Variants in EYA2 observed in about 807,000 individuals in gnomAD.
The protein encoded by EYA2 is protein phosphatase EYA2.
A neutral mutation model predicts 69.2 loss-of-function variants in EYA2; 31 were observed. The ratio of observed to expected loss-of-function variants is 0.45; its 90% confidence interval spans 0.34 to 0.60. The LOEUF (loss-of-function observed/expected upper bound fraction) is 0.60, where lower values mean the gene tolerates loss of function less well. Ranked by LOEUF, EYA2 falls within the 20% of genes least tolerant of loss-of-function variation. The pLI is 0.02. For missense variants in EYA2, 622 were observed against 701.2 expected (o/e 0.89, Z 1.28); for synonymous variants, 257 against 279.4 (o/e 0.92, Z 0.80).
At chr20:47,187,097 A>C (rs1600784626) in intron 15 of EYA2, among the ~76,000 whole-genome samples, 1 of 152,032 alleles carries the variant, frequency 6.6e-6, no homozygotes, top group East Asian at 1.9e-4. Flanking sequence ...AGCTGGGCAC[A>C]ATGGCTCATG....
At chr20:47,057,520 C>T (rs1033900966) in intron 5 of EYA2, among the ~76,000 whole-genome samples, 1 of 151,082 alleles carries the variant, frequency 6.6e-6, no homozygotes, top group Non-Finnish European at 1.5e-5. Flanking sequence ...ACCCCCCCCC[C>T]CCATCTCATA....
At chr20:47,174,958 C>G (rs1211916947) in intron 12 of EYA2, among the ~76,000 whole-genome samples, 42 of 152,216 alleles carry the variant, frequency 2.8e-4, no homozygotes, top group Admixed American at 2.7e-3. Context: ...GTACCCAGCC[C>G]TGCACGGAGG....
At chr20:47,124,875 T>TAAA (rs11426514) in intron 9 of EYA2, among the ~76,000 whole-genome samples, 14 of 147,546 alleles carry the variant, frequency 9.5e-5, no homozygotes, top group African/African-American at 3.2e-4. Flanking sequence ...CTTCAAAGAT[T>TAAA]AAAAAAAAAA....
At chr20:47,067,229 C>T (rs775301877) in intron 5 of EYA2, among the ~76,000 whole-genome samples, 3 of 152,128 alleles carry the variant, frequency 2.0e-5, no homozygotes, top group Admixed American at 6.5e-5. Context: ...GAAGAGAAAA[C>T]ACTGCAGTCA....
chr20:46,936,840 G>A (rs1018033514), intron 1 of EYA2, among the ~76,000 whole-genome samples: 8 of 152,054 alleles, frequency 5.3e-5, no homozygotes, highest in Admixed American at 2.6e-4. Flanking sequence ...TTTGCGATTC[G>A]GGGATTTCTT....
At chr20:47,153,015 C>T (rs981270255) in intron 10 of EYA2, among the ~76,000 whole-genome samples, 17 of 151,550 alleles carry the variant, frequency 1.1e-4, no homozygotes, top group Non-Finnish European at 2.2e-4. Flanking sequence ...TTTTAGAGGC[C>T]GGGCCAGCAA....
chr20:47,178,849 T>C (rs1193631895), intron 12 of EYA2, among the ~76,000 whole-genome samples: 1 of 150,200 alleles, frequency 6.7e-6, no homozygotes, highest in East Asian at 2.0e-4. Context: ...ATTGGGTGGA[T>C]GGATGGGTAG....
At chr20:46,904,526 T>C (rs1256423914) in intron 1 of EYA2, among the ~76,000 whole-genome samples, 1 of 152,060 alleles carries the variant, frequency 6.6e-6, no homozygotes, top group African/African-American at 2.4e-5. Context: ...GTGATTGAAC[T>C]TGAGACTTCA....
At position 47,183,295 on chromosome 20, in the gene EYA2, G is replaced by A. The variant is rs770787219; in HGVS notation, c.1440G>A (p.Lys480=). The change falls in exon 15 of 16, where the codon AAG becomes AAA. Residue 480 remains lysine, a synonymous_variant. Coordinates refer to ENST00000327619, the MANE Select transcript of EYA2 (RefSeq NM_005244.5). ...TTCCTTCCTGTGTGCGTGCAGGGAA[G>A]GAGAGCTGCTTCGAGAGGATAATGC... The part of the protein sequence containing the change: ...ENIYSATKTG[K]ESCFERIMQR... The A allele has an allele frequency of 6.2e-7, 1 of 1,614,072 alleles. No individual in the cohort carries two copies. Among genetic ancestry groups the A allele is most frequent in the Non-Finnish European group, 8.5e-7 (1 of 1,179,972 alleles).
chr20:46,976,613 A>G (rs1452926444), intron 1 of EYA2, among the ~76,000 whole-genome samples: 1 of 152,090 alleles, frequency 6.6e-6, no homozygotes, highest in Non-Finnish European at 1.5e-5. Context: ...TCTCGATCTC[A>G]TGACCTCGTG....
intron 10 of EYA2, among the ~76,000 whole-genome samples, chr20:47,168,315 C>T (rs1435483534): frequency 6.6e-6 from 1 of 151,986 alleles, no homozygotes; most frequent in Non-Finnish European, 1.5e-5. Context: ...CCTCAGCCTC[C>T]CGAGTAGCTG....
At chr20:47,154,820 TG>T (rs2033889992) in intron 10 of EYA2, among the ~76,000 whole-genome samples, 3 of 2,472 alleles carry the variant, frequency 1.2e-3, no homozygotes, top group African/African-American at 3.4e-3. Context: ...TATTTTGTTT[TG>T]TGTGTGTGTG....
At chr20:47,004,411 A>G (rs558164407) in intron 3 of EYA2, among the ~76,000 whole-genome samples, 28 of 152,240 alleles carry the variant, frequency 1.8e-4, no homozygotes, top group Non-Finnish European at 3.7e-4. Context: ...AATTAGGACA[A>G]TCGGGGTAGG....
At chr20:47,158,486 C>T (rs2034000351) in intron 10 of EYA2, among the ~76,000 whole-genome samples, 1 of 150,946 alleles carries the variant, frequency 6.6e-6, no homozygotes, top group Middle Eastern at 3.4e-3. Context: ...CACTGCACTC[C>T]AGCCTGGGTG....
chr20:47,070,995 T>C (rs556275142), intron 5 of EYA2, among the ~76,000 whole-genome samples: 98 of 151,772 alleles, frequency 6.5e-4, no homozygotes, highest in Non-Finnish European at 8.1e-4. Flanking sequence ...ACTATAGGCA[T>C]GCGCCACCAC....
intron 1 of EYA2, among the ~76,000 whole-genome samples, chr20:46,925,783 A>G (rs577813097): frequency 6.6e-6 from 1 of 152,266 alleles, no homozygotes; most frequent in South Asian, 2.1e-4. Context: ...TTACAAGTGC[A>G]CCCTCCTTTA....
chr20:46,917,533 A>T (rs6018168), intron 1 of EYA2, among the ~76,000 whole-genome samples: 1 of 152,136 alleles, frequency 6.6e-6, no homozygotes, highest in African/African-American at 2.4e-5. Context: ...AGCGAAGTGG[A>T]TGTGAAGAGT....
intron 1 of EYA2, among the ~76,000 whole-genome samples, chr20:46,903,417 G>A (rs1308751128): frequency 2.0e-5 from 3 of 152,196 alleles, no homozygotes; most frequent in Non-Finnish European, 2.9e-5. Context: ...TTACTCGGCC[G>A]ACAGCAACTC....
intron 10 of EYA2, among the ~76,000 whole-genome samples, chr20:47,160,147 T>C (rs1385637839): frequency 6.6e-6 from 1 of 152,180 alleles, no homozygotes. Context: ...CTCTGGCTGC[T>C]GGCTGGAGAC....
Sources: gnomAD v4.1 joint callset for allele counts (sites outside exome capture counted in the v4.1 genomes callset) on GRCh38, gnomAD v4.1.1 for gene constraint, MANE v1.5 for transcripts, NCBI Gene and HGNC (gene_info 2026-07-23, HGNC 2026-07-21) for gene names.